Variants in MYH7B observed in about 807,000 individuals in gnomAD.
The protein encoded by MYH7B is myosin heavy chain 7B.
Under a neutral mutation model 234.5 loss-of-function variants are expected in MYH7B, and 205 were observed. That is an observed-to-expected ratio of 0.87 (90% CI 0.78 to 0.98). MYH7B has a LOEUF of 0.98. MYH7B is among the 50% of genes least tolerant of loss of function. The pLI, the probability that MYH7B is intolerant of heterozygous loss-of-function variation, is 0.00. For synonymous variants in MYH7B, 1,193 were observed against 1,105.0 expected (o/e 1.08, Z -1.58); for missense variants, 2,652 against 2,633.4 (o/e 1.01, Z -0.15).
At chr20:34,997,446 C>G (rs1355804853) in exon 32 of MYH7B, 2 of 1,480,254 alleles carry the variant, frequency 1.4e-6, no homozygotes, top group Non-Finnish European at 1.8e-6. Flanking sequence ...GCGGCGGGAG[C>G]TGGAGGAGGC....
Position 34,996,461 on chromosome 20 carries a change from AG to A in MYH7B, c.3061del (p.Glu1021ArgfsTer4), listed in dbSNP as rs747965661. On this transcript the variant is annotated frameshift_variant, in exon 29 of 45. Transcript: ENST00000262873. LOFTEE classifies it high-confidence loss of function. ...CAGGCCCTGGGTGACCTGCAGGCCG[AG>A]GAGGACCGTGTGAGCGCGCTGACCA... 15 of 1,613,084 alleles carry A rather than the reference AG, an allele frequency of 9.3e-6. No individual in the cohort carries two copies. The highest frequency in any genetic ancestry group is 3.3e-4 in the Middle Eastern group (2 of 6,080).
chr20:34,986,004 C>A, intron 13 of MYH7B, 96 bp from the exon 14 acceptor site: 1 of 1,079,402 alleles, frequency 9.3e-7, no homozygotes, highest in Non-Finnish European at 1.4e-6. Flanking sequence ...CCCCCCTGCA[C>A]ACTCCCTGCC....
At chr20:34,957,395 G>A (rs2081649864) in intron 1 of MYH7B, among the ~76,000 whole-genome samples, 1 of 151,834 alleles carries the variant, frequency 6.6e-6, no homozygotes, top group Non-Finnish European at 1.5e-5. Flanking sequence ...GAGATGGAGC[G>A]AAGCGAACAG....
exon 39 of MYH7B, chr20:35,000,299 C>A (rs1193263845): frequency 6.4e-7 from 1 of 1,574,756 alleles, no homozygotes; most frequent in Non-Finnish European, 8.6e-7. Context: ...ATAGGCGCAA[C>A]CACCAGCGAG....
At chr20:34,979,853 C>A in intron 7 of MYH7B, 49 bp downstream of exon 7, 1 of 1,498,158 alleles carries the variant, frequency 6.7e-7, no homozygotes, top group Non-Finnish European at 9.0e-7. Context: ...GTATGTGGGG[C>A]GGGGCTAGAG....
intron 44 of MYH7B, 28 bp downstream of exon 44, chr20:35,002,113 T>C: frequency 1.6e-5 from 25 of 1,611,894 alleles, no homozygotes; most frequent in Non-Finnish European, 2.0e-5. Context: ...CATTGCTCTC[T>C]GTGCAGGGGG....
Position 34,955,980 on chromosome 20 carries a change from G to GA in MYH7B, c.-363dup, listed in dbSNP as rs2081628841. 6.6e-6 allele frequency: 1 copy of GA among 152,342 alleles called. No homozygotes were observed. Among genetic ancestry groups the GA allele is most frequent in the African/African-American group, 2.4e-5 (1 of 41,452 alleles). The allele number at this position is 152,342 out of a possible 1,614,324, so 9.4% of individuals were successfully genotyped here. A position where few individuals can be genotyped will look rare whatever the true frequency, so the allele number is the denominator to read the frequency against. On this transcript the variant is annotated 5_prime_UTR_variant, in exon 1 of 45. An upstream open reading frame in the 5' UTR loses its in-frame stop. Transcript: ENST00000262873. ...ATGGACCTTGGGAAGGAGGGGAGGGGACCATCGGGGTCGGCGGGGAGCTAC... is the reference window on the plus strand; with the variant it reads ...ATGGACCTTGGGAAGGAGGGGAGGGGAACCATCGGGGTCGGCGGGGAGCTAC...
intron 3 of MYH7B, among the ~76,000 whole-genome samples, chr20:34,976,499 C>T (rs2081855767): frequency 6.6e-6 from 1 of 152,176 alleles, no homozygotes; most frequent in African/African-American, 2.4e-5. Context: ...GACAGGAGAG[C>T]CTGGAGGTGC....
At chr20:34,993,822 T>C (rs2082202817) in intron 26 of MYH7B, among the ~76,000 whole-genome samples, 1 of 152,184 alleles carries the variant, frequency 6.6e-6, no homozygotes, top group Non-Finnish European at 1.5e-5. Context: ...TGGCCTCCAC[T>C]CAGCAGAAGG....
intron 1 of MYH7B, among the ~76,000 whole-genome samples, chr20:34,957,602 G>A (rs2081653866): frequency 6.8e-6 from 1 of 147,164 alleles, no homozygotes; most frequent in Non-Finnish European, 1.5e-5. Context: ...CAATTCTCCT[G>A]CCTCAGCCTC....
chr20:34,977,368 G>A (rs1725796175), intron 3 of MYH7B, among the ~76,000 whole-genome samples: 1 of 151,878 alleles, frequency 6.6e-6, no homozygotes, highest in Non-Finnish European at 1.5e-5. Flanking sequence ...GCGTGACTTG[G>A]TTTCTCCCCG....
exon 28 of MYH7B, chr20:34,995,359 C>G (rs778647018): frequency 6.2e-7 from 1 of 1,613,370 alleles, no homozygotes; most frequent in South Asian, 1.1e-5. Flanking sequence ...TGGCAGATGC[C>G]GAGGAGCGCT....
exon 41 of MYH7B, chr20:35,001,076 G>T: frequency 6.2e-7 from 1 of 1,613,806 alleles, no homozygotes; most frequent in East Asian, 2.2e-5. Flanking sequence ...CAGACGGTGC[G>T]CGAGCTCCAG....
At chr20:35,000,174 A>T (rs1248198291) in intron 38 of MYH7B, 119 bp from the exon 39 acceptor site, 2 of 1,270,982 alleles carry the variant, frequency 1.6e-6, no homozygotes, top group Non-Finnish European at 2.2e-6. Flanking sequence ...AGAGACTTTA[A>T]ATCGGGGAGG....
intron 18 of MYH7B, 62 bp downstream of exon 18, chr20:34,987,976 G>T (rs548461941): frequency 1.9e-6 from 3 of 1,556,976 alleles, no homozygotes; most frequent in South Asian, 1.2e-5. Flanking sequence ...GGGCCTGTGG[G>T]GGGGCAGAAG....
At chr20:34,957,681 G>C (rs1028611738) in intron 1 of MYH7B, among the ~76,000 whole-genome samples, 16 of 151,948 alleles carry the variant, frequency 1.1e-4, no homozygotes, top group Admixed American at 2.0e-4. Context: ...GTAGAGACAG[G>C]GTTTCACCAT....
chr20:34,956,463 AG>A (rs2081635282), intron 1 of MYH7B, among the ~76,000 whole-genome samples: 1 of 152,128 alleles, frequency 6.6e-6, no homozygotes, highest in Admixed American at 6.6e-5. Context: ...GGCAGCCCCC[AG>A]GTGCCTTCCC....
rs781378137 is a variant in MYH7B at position 35,002,145 on chromosome 20, T to G, written c.5815-32T>G. Reference sequence around the variant, plus strand: ...GGGGACTGTGGGGGCTGACAGGTAGTACTGCTCACTCAGCTATCCCTTTCT... The same window carrying G: ...GGGGACTGTGGGGGCTGACAGGTAGGACTGCTCACTCAGCTATCCCTTTCT... On this transcript the variant is annotated intron_variant, in intron 44 of 44. Transcript: ENST00000262873. 5.0e-6 allele frequency: 8 copies of G among 1,599,056 alleles called. No individual in the cohort carries two copies. In the South Asian group the frequency reaches 8.9e-5, roughly 18 times the overall value.
intron 43 of MYH7B, chr20:35,001,733 G>A: frequency 1.1e-6 from 1 of 875,658 alleles, no homozygotes; most frequent in Non-Finnish European, 1.7e-6. Context: ...CAAGGCTGGG[G>A]CTGCCTCTGA....
Sources: allele counts gnomAD v4.1 joint callset (sites outside exome capture counted in the v4.1 genomes callset), GRCh38; gene constraint gnomAD v4.1.1; transcripts MANE v1.5; gene names NCBI Gene and HGNC (gene_info 2026-07-23, HGNC 2026-07-21).